GIGYF2: variants seen among roughly 807,000 people sequenced by gnomAD.
GIGYF2 encodes GRB10 interacting GYF protein 2, also known as GRB10-interacting GYF protein 2.
Under a neutral mutation model 208.1 loss-of-function variants are expected in GIGYF2, and 25 were observed. That is an observed-to-expected ratio of 0.12 (90% confidence interval 0.09 to 0.17). GIGYF2 has a LOEUF of 0.17. Among genes scored for constraint, GIGYF2 ranks in the 10% least tolerant of loss-of-function variants. GIGYF2 has a pLI of 1.00. For synonymous variants in GIGYF2, 534 were observed against 543.8 expected (o/e 0.98, Z 0.25); for missense variants, 1,302 against 1,579.4 (o/e 0.82, Z 2.98).
At chr2:232,821,639 CTATT>C (rs1701083953) in intron 21 of GIGYF2, among the ~76,000 whole-genome samples, 2 of 152,084 alleles carry the variant, frequency 1.3e-5, no homozygotes, top group African/African-American at 2.4e-5. Context: ...TATAGCATGT[CTATT>C]TATTTTCCTA....
In GIGYF2 at chr2:232,858,443, T is replaced by C; in HGVS notation, c.*1583T>C. On this transcript the variant is annotated 3_prime_UTR_variant, in exon 29 of 29. Coordinates refer to ENST00000373563, the MANE Select transcript of GIGYF2 (RefSeq NM_001103146.3). ...AATTGTATATAGTTTTTGGATCAAA[T>C]AGCATGAGGGGAGAGGAAACCATTA... 1 of 451,040 alleles carries C rather than the reference T, an allele frequency of 2.2e-6. No homozygotes were observed. Among genetic ancestry groups the C allele is most frequent in the Non-Finnish European group, 4.4e-6 (1 of 225,656 alleles). The allele number at this position is 451,040 out of a possible 1,614,324, so 27.9% of individuals were successfully genotyped here.
rs1364717435 is a variant in GIGYF2 at position 232,806,607 on chromosome 2, A to G, written c.1756A>G (p.Met586Val). 1.2e-6 allele frequency: 2 copies of G among 1,613,514 alleles called. No individual in the cohort carries two copies. The highest frequency in any genetic ancestry group is 1.7e-6 in the Non-Finnish European group (2 of 1,179,446). Reference sequence around the variant, plus strand: ...CCAACCTCTTGGCGATATCATGAAAATGTGGGGAAGGGTTCCCTTTTCTCC... The same window carrying G: ...CCAACCTCTTGGCGATATCATGAAAGTGTGGGGAAGGGTTCCCTTTTCTCC... The part of the protein sequence containing the change: ...SFQPLGDIMK[M>V]WGRVPFSPGP... Residue 586 changes from methionine to valine, a missense_variant, in exon 15 of 29, where the codon ATG (methionine) becomes GTG (valine). By Grantham distance (21) the Met-to-Val change is conservative. Coordinates refer to ENST00000373563, the MANE Select transcript of GIGYF2 (RefSeq NM_001103146.3). The surrounding 1 kb of genome is among the most constrained non-coding windows in gnomAD (Gnocchi z 4.0).
At position 232,858,165 on chromosome 2, in the gene GIGYF2, A is replaced by G. The variant is rs1690642881; in HGVS notation, c.*1305A>G. 4.6e-6 allele frequency: 1 copy of G among 216,614 alleles called. No homozygotes were observed. The allele number at this position is 216,614 out of a possible 1,614,324, so 13.4% of individuals were successfully genotyped here. On this transcript the variant is annotated 3_prime_UTR_variant, in exon 29 of 29. Transcript: ENST00000373563. ...CTACAGAACATCACCTGGAATTGCCACTCACACTGGGTTGGAGTCATTGGG... is the reference window on the plus strand; with the variant it reads ...CTACAGAACATCACCTGGAATTGCCGCTCACACTGGGTTGGAGTCATTGGG...
intron 25 of GIGYF2, among the ~76,000 whole-genome samples, chr2:232,845,101 T>C (rs993149190): frequency 3.3e-5 from 5 of 152,212 alleles, no homozygotes; most frequent in Non-Finnish European, 5.9e-5. Flanking sequence ...CTACCACTTA[T>C]TAGCTGTGTG....
chr2:232,770,844 G>T, intron 8 of GIGYF2: 1 of 1,184,972 alleles, frequency 8.4e-7, no homozygotes, highest in Non-Finnish European at 1.2e-6. Context: ...CCAAACACCT[G>T]TAGTTTTGTT....
rs1247747683 is a variant in GIGYF2, at chr2:232,857,891, A to G, written c.*1031A>G. 6.5e-6 allele frequency: 1 copy of G among 152,676 alleles called. No homozygotes were observed. The highest frequency in any genetic ancestry group is 1.5e-5 in the Non-Finnish European group (1 of 68,112). 9.5% of individuals were successfully genotyped at this position (152,676 alleles called of 1,614,324 possible). Reference sequence around the variant, plus strand: ...TGTAGCCCGGAAAAGGTTTTGTGTAAAGATTCTGGGATGGCAAGTTGTTTG... The same window carrying G: ...TGTAGCCCGGAAAAGGTTTTGTGTAGAGATTCTGGGATGGCAAGTTGTTTG... On this transcript the variant is annotated 3_prime_UTR_variant, in exon 29 of 29. Transcript: ENST00000373563.
At position 232,787,313 on chromosome 2, in the gene GIGYF2, G is replaced by A; in HGVS notation, c.696G>A (p.Trp232Ter). Residue 232 changes from tryptophan to a stop codon, truncating the protein, a stop_gained, in exon 9 of 29, where the codon TGG (tryptophan) becomes TGA (stop). Coordinates refer to ENST00000373563, the MANE Select transcript of GIGYF2 (RefSeq NM_001103146.3). LOFTEE classifies it high-confidence loss of function. ...LAGSRRDGER[W>*]RPHSPDGPRS... ...GATCAAGGAGGGATGGAGAGAGGTGGCGACCTCACAGTCCTGGTAAGAATT... is the reference window on the plus strand; with the variant it reads ...GATCAAGGAGGGATGGAGAGAGGTGACGACCTCACAGTCCTGGTAAGAATT... 6.2e-7 allele frequency: 1 copy of A among 1,613,928 alleles called. No individual in the cohort carries two copies. Among genetic ancestry groups the A allele is most frequent in the Non-Finnish European group, 8.5e-7 (1 of 1,179,884 alleles).
chr2:232,720,061 A>T (rs1010926520), intron 2 of GIGYF2, among the ~76,000 whole-genome samples: 1 of 152,218 alleles, frequency 6.6e-6, no homozygotes, highest in Non-Finnish European at 1.5e-5. Context: ...TGTCATTTAC[A>T]TTAGGTATTT....
At chr2:232,837,456 A>G (rs1701674057) in intron 22 of GIGYF2, among the ~76,000 whole-genome samples, 1 of 151,764 alleles carries the variant, frequency 6.6e-6, no homozygotes, top group African/African-American at 2.4e-5. Context: ...ATTTCCAGAG[A>G]CTTTATTTAT....
At chr2:232,705,838 G>A (rs1462033974) in intron 2 of GIGYF2, 3 of 152,166 alleles carry the variant, frequency 2.0e-5, no homozygotes, top group African/African-American at 7.2e-5. Flanking sequence ...CGAGTAGCTG[G>A]GATTGCAGGT....
chr2:232,813,957 G>A (rs1481003589), intron 18 of GIGYF2, among the ~76,000 whole-genome samples: 2 of 147,474 alleles, frequency 1.4e-5, no homozygotes, highest in African/African-American at 5.0e-5. Context: ...GCACAATCTC[G>A]GGTCACTGCA....
At chr2:232,706,309 G>A (rs898341312) in intron 2 of GIGYF2, among the ~76,000 whole-genome samples, 1 of 152,142 alleles carries the variant, frequency 6.6e-6, no homozygotes, top group African/African-American at 2.4e-5. Flanking sequence ...CATATGCAGA[G>A]CTTTGTGAGG....
At chr2:232,754,524 A>G (rs867723356) in intron 5 of GIGYF2, among the ~76,000 whole-genome samples, 5 of 152,190 alleles carry the variant, frequency 3.3e-5, no homozygotes, top group African/African-American at 7.2e-5. Flanking sequence ...TGAGTTTTAT[A>G]TATGTGATAG....
intron 14 of GIGYF2, among the ~76,000 whole-genome samples, chr2:232,798,573 G>T (rs1314370597): frequency 1.3e-5 from 2 of 152,094 alleles, no homozygotes; most frequent in Non-Finnish European, 1.5e-5. Flanking sequence ...ATCAGCATTT[G>T]ATGTTTTTGC....
intron 8 of GIGYF2, among the ~76,000 whole-genome samples, chr2:232,785,310 C>T (rs879606645): frequency 5.3e-5 from 8 of 152,112 alleles, no homozygotes; most frequent in African/African-American, 1.4e-4. Flanking sequence ...AGCAGCTTAG[C>T]CTAGCTGGGT....
rs1004787382 is a variant in GIGYF2 at position 232,730,169 on chromosome 2, G to A, written c.-43-4986G>A. 2.6e-5 allele frequency: 39 copies of A among 1,500,280 alleles called. No homozygotes were observed. The African/African-American group carries it at 3.6e-4, about 14-fold the overall frequency. 92.9% of individuals were successfully genotyped at this position (1,500,280 alleles called of 1,614,324 possible). On this transcript the variant is annotated intron_variant, in intron 2 of 28. Transcript: ENST00000373563. Reference sequence around the variant, plus strand: ...GGTAATTGTTGAGCACCTGGAGGCCGGCAGGGCTTTTCAGGTCTCTGAAAT... The same window carrying A: ...GGTAATTGTTGAGCACCTGGAGGCCAGCAGGGCTTTTCAGGTCTCTGAAAT...
chr2:232,708,829 T>A (rs35094759), intron 2 of GIGYF2, among the ~76,000 whole-genome samples: 5,894 of 146,724 alleles, frequency 0.04, 198 homozygotes, highest in East Asian at 0.097. Flanking sequence ...AAAAAAAAAA[T>A]TTTTTTTTCT....
chr2:232,714,454 A>G (rs566798992), intron 2 of GIGYF2, among the ~76,000 whole-genome samples: 3 of 152,094 alleles, frequency 2.0e-5, no homozygotes, highest in Non-Finnish European at 4.4e-5. Context: ...CTTGGAATAC[A>G]TTGCTTTTTT....
At chr2:232,713,444 T>C (rs927516393) in intron 2 of GIGYF2, among the ~76,000 whole-genome samples, 9 of 152,242 alleles carry the variant, frequency 5.9e-5, no homozygotes, top group Non-Finnish European at 1.0e-4. Flanking sequence ...ATTGTAGATT[T>C]ACAGAAAATT....
Sources: allele counts gnomAD v4.1 joint callset (sites outside exome capture counted in the v4.1 genomes callset), GRCh38; gene constraint gnomAD v4.1.1; non-coding constraint Gnocchi (gnomAD v3.1); transcripts MANE v1.5; gene names NCBI Gene and HGNC (gene_info 2026-07-23, HGNC 2026-07-21).